Variants in GRIN2A observed in about 807,000 individuals in gnomAD.
GRIN2A encodes glutamate receptor ionotropic, NMDA 2A.
GRIN2A carries 22 observed loss-of-function variants against 113.4 expected under a neutral mutation model. The observed-to-expected ratio is 0.19, with a 90% CI of 0.14 to 0.28. GRIN2A has a LOEUF of 0.28. GRIN2A is among the 10% of genes least tolerant of loss of function. The pLI is 1.00. For missense variants in GRIN2A, 1,502 were observed against 1,887.0 expected (o/e 0.80, Z 3.78); for synonymous variants, 827 against 738.4 (o/e 1.12, Z -1.94).
chr16:9,876,546 C>A (rs1186120993), intron 4 of GRIN2A, among the ~76,000 whole-genome samples: 1 of 152,162 alleles, frequency 6.6e-6, no homozygotes, highest in African/African-American at 2.4e-5. Flanking sequence ...TTTCCCATTC[C>A]TTTGACTCTG....
chr16:9,963,142 A>G (rs538833348), intron 2 of GRIN2A, among the ~76,000 whole-genome samples: 1 of 147,312 alleles, frequency 6.8e-6, no homozygotes, highest in Non-Finnish European at 1.5e-5. Flanking sequence ...GCGGGGAGGG[A>G]TAGCATTAGG....
intron 2 of GRIN2A, among the ~76,000 whole-genome samples, chr16:10,058,262 C>A (rs534177080): frequency 3.3e-5 from 5 of 150,084 alleles, no homozygotes; most frequent in Admixed American, 1.3e-4. Context: ...TCAAAAAAAA[C>A]CAAAAAACAA....
At chr16:9,789,162 A>T (rs535148385) in intron 11 of GRIN2A, among the ~76,000 whole-genome samples, 5 of 152,382 alleles carry the variant, frequency 3.3e-5, no homozygotes, top group African/African-American at 1.2e-4. Flanking sequence ...TGTTGCAATG[A>T]CTAGGCTTTA....
intron 11 of GRIN2A, among the ~76,000 whole-genome samples, chr16:9,783,142 A>G (rs1380428760): frequency 1.3e-5 from 2 of 152,212 alleles, no homozygotes; most frequent in East Asian, 3.9e-4. Flanking sequence ...ATCTTTGTGT[A>G]TACATGAGGT....
At chr16:9,828,770 G>A (rs927699832) in intron 9 of GRIN2A, among the ~76,000 whole-genome samples, 2 of 152,048 alleles carry the variant, frequency 1.3e-5, no homozygotes, top group African/African-American at 4.8e-5. Flanking sequence ...TTACTGATGT[G>A]GGAAGTACAG....
At chr16:9,999,038 A>C (rs971945444) in intron 2 of GRIN2A, among the ~76,000 whole-genome samples, 4 of 152,198 alleles carry the variant, frequency 2.6e-5, no homozygotes, top group Non-Finnish European at 5.9e-5. Flanking sequence ...ATTAAATTAG[A>C]GGTTCCAACA....
At chr16:10,098,555 A>G (rs72774189) in intron 2 of GRIN2A, among the ~76,000 whole-genome samples, 1 of 152,344 alleles carries the variant, frequency 6.6e-6, no homozygotes, top group Non-Finnish European at 1.5e-5. Flanking sequence ...AATCAGCCCA[A>G]ATGCCCATTA....
chr16:9,871,846 T>C (rs1232648930), intron 4 of GRIN2A, among the ~76,000 whole-genome samples: 1 of 152,114 alleles, frequency 6.6e-6, no homozygotes, highest in Non-Finnish European at 1.5e-5. Context: ...AAATTCTCTA[T>C]CTCCCACAGC....
chr16:10,178,410 T>G (rs2050193658), intron 2 of GRIN2A, among the ~76,000 whole-genome samples: 1 of 152,346 alleles, frequency 6.6e-6, no homozygotes, highest in Middle Eastern at 3.4e-3. Context: ...TCAGCCACTA[T>G]GTGGTCTTGG....
chr16:9,774,699 T>C (rs1314999567), intron 11 of GRIN2A, among the ~76,000 whole-genome samples: 1 of 152,274 alleles, frequency 6.6e-6, no homozygotes, highest in Non-Finnish European at 1.5e-5. Flanking sequence ...TCAGTTTTAA[T>C]ATCGAGCAAA....
At chr16:10,076,715 A>G (rs1260433746) in intron 2 of GRIN2A, among the ~76,000 whole-genome samples, 4 of 152,196 alleles carry the variant, frequency 2.6e-5, no homozygotes, top group Non-Finnish European at 5.9e-5. Flanking sequence ...CAAATGCAGA[A>G]AGTAAATATG....
intron 11 of GRIN2A, among the ~76,000 whole-genome samples, chr16:9,776,078 G>A (rs1901583884): frequency 6.6e-6 from 1 of 152,156 alleles, no homozygotes; most frequent in Admixed American, 6.5e-5. Context: ...CTGCTGGCAA[G>A]GATTCATTGT....
intron 2 of GRIN2A, among the ~76,000 whole-genome samples, chr16:9,940,044 G>GAA (rs887719770): frequency 1.4e-5 from 2 of 147,384 alleles, no homozygotes; most frequent in African/African-American, 5.1e-5. Context: ...GAGAGAGAAA[G>GAA]AGAGAGAGAG....
chr16:9,954,286 CT>C (rs2045255525), intron 2 of GRIN2A, among the ~76,000 whole-genome samples: 1 of 152,154 alleles, frequency 6.6e-6, no homozygotes, highest in Non-Finnish European at 1.5e-5. Context: ...AACGTAAAAT[CT>C]AAGTGTGTCT....
At chr16:9,818,998 G>T (rs1267791210) in intron 10 of GRIN2A, among the ~76,000 whole-genome samples, 1 of 152,070 alleles carries the variant, frequency 6.6e-6, no homozygotes, top group African/African-American at 2.4e-5. Flanking sequence ...ATAAAATATG[G>T]TATATTTGCA....
intron 2 of GRIN2A, among the ~76,000 whole-genome samples, chr16:10,049,483 T>C (rs1211816937): frequency 6.6e-6 from 1 of 152,092 alleles, no homozygotes; most frequent in African/African-American, 2.4e-5. Context: ...GTTCAAGCGA[T>C]TCTCCTGCCT....
intron 2 of GRIN2A, among the ~76,000 whole-genome samples, chr16:10,091,079 T>C (rs925496940): frequency 8.5e-5 from 13 of 152,214 alleles, no homozygotes; most frequent in African/African-American, 3.1e-4. Flanking sequence ...ACTGAAACCC[T>C]TGTACATTGC....
chr16:10,028,609 T>G (rs2046866084), intron 2 of GRIN2A, among the ~76,000 whole-genome samples: 1 of 152,126 alleles, frequency 6.6e-6, no homozygotes, highest in African/African-American at 2.4e-5. Flanking sequence ...ACTTCTTAAA[T>G]CCCCACATGA....
At chr16:9,834,971 G>A (rs886219222) in intron 7 of GRIN2A, among the ~76,000 whole-genome samples, 3 of 152,008 alleles carry the variant, frequency 2.0e-5, no homozygotes, top group Non-Finnish European at 4.4e-5. Flanking sequence ...AAATTGTTAT[G>A]GTTTTTATTT....
Sources: gnomAD v4.1 joint callset for allele counts (sites outside exome capture counted in the v4.1 genomes callset) on GRCh38, gnomAD v4.1.1 for gene constraint, MANE v1.5 for transcripts, NCBI Gene and HGNC (gene_info 2026-07-23, HGNC 2026-07-21) for gene names.